The following NCAM1 variants were observed in gnomAD, a reference collection of about 807,000 sequenced individuals.
NCAM1 encodes antigen recognized by monoclonal antibody 5.1H11.
In NCAM1, 14 loss-of-function variants were observed where a neutral mutation model predicts 109.8. The observed-to-expected ratio is 0.13, with a 90% CI of 0.08 to 0.20. The LOEUF (loss-of-function observed/expected upper bound fraction) is 0.20. Ranked by LOEUF, NCAM1 falls within the 10% of genes least tolerant of loss-of-function variation. The pLI, the probability that NCAM1 is intolerant of heterozygous loss-of-function variation, is 1.00. For missense variants in NCAM1, 774 were observed against 1,109.9 expected (o/e 0.70, Z 4.30); for synonymous variants, 418 against 442.9 (o/e 0.94, Z 0.70).
rs33947463 is a variant in NCAM1 at position 113,187,563 on chromosome 11, CTG to C, written c.53-14790_53-14789del. The stretch of plus-strand genomic sequence containing the variant: ...GATCTGTGTGTGTGTGTGTGTGTTT[CTG>C]TGTGTGTGTGTGTGTGTGTGTGTGT... On this transcript the variant is annotated intron_variant, in intron 1 of 19. Coordinates refer to ENST00000316851, the MANE Select transcript of NCAM1 (RefSeq NM_181351.5). Among the ~76,000 whole-genome samples the C allele has an allele frequency of 5.2e-3, 762 of 147,116 alleles. 3 individuals carry two copies. The highest frequency in any genetic ancestry group is 0.016 in the African/African-American group (623 of 39,994).
chr11:113,212,414 T>C (rs1463657732), intron 7 of NCAM1, among the ~76,000 whole-genome samples: 3 of 152,190 alleles, frequency 2.0e-5, no homozygotes, highest in African/African-American at 4.8e-5. Flanking sequence ...ATCTGGGAAA[T>C]GGAGCCTCCA....
At chr11:112,993,373 A>G (rs1342150654) in intron 1 of NCAM1, among the ~76,000 whole-genome samples, 1 of 152,200 alleles carries the variant, frequency 6.6e-6, no homozygotes, top group Non-Finnish European at 1.5e-5. Context: ...ACTCACTATC[A>G]TGAAGATGGC....
At chr11:113,271,369 CAAAAAAAAAAA>C (rs71060298) in intron 18 of NCAM1, among the ~76,000 whole-genome samples, 6 of 66,882 alleles carry the variant, frequency 9.0e-5, no homozygotes, top group East Asian at 9.6e-4. Context: ...GACTCTGTCT[CAAAAAAAAAAA>C]AAAAAAAAAA....
chr11:113,264,892 T>C lies in NCAM1; in HGVS notation c.2131+4569T>C, dbSNP rs1206762695. On this transcript the variant is annotated intron_variant, in intron 17 of 19. Coordinates refer to ENST00000316851, the MANE Select transcript of NCAM1 (RefSeq NM_181351.5). ...ATACCCACTCCCCACGGACACTGAG[T>C]TCCTGGTGACAGCTGCAGCCCCAGC... 1.6e-5 allele frequency: 16 copies of C among 985,502 alleles called. No individual in the cohort carries two copies. In the Admixed American group the frequency reaches 6.8e-4, roughly 42 times the overall value. 61.0% of individuals were successfully genotyped at this position (985,502 alleles called of 1,614,324 possible).
chr11:113,264,769 G>A, intron 17 of NCAM1: 2 of 985,466 alleles, frequency 2.0e-6, no homozygotes, highest in South Asian at 9.4e-5. Flanking sequence ...CCAGGGTCAG[G>A]CAGGCCTCAG....
intron 1 of NCAM1, among the ~76,000 whole-genome samples, chr11:113,009,532 A>C (rs1303067404): frequency 6.6e-6 from 1 of 151,880 alleles, no homozygotes; most frequent in Admixed American, 6.6e-5. Context: ...CCTGTTGCCC[A>C]GGTTGGTAAT....
At chr11:113,266,700 G>T (rs537297712) in intron 17 of NCAM1, among the ~76,000 whole-genome samples, 1 of 152,296 alleles carries the variant, frequency 6.6e-6, no homozygotes, top group South Asian at 2.1e-4. Context: ...TTTGCTACAG[G>T]TGGAGATATA....
chr11:113,195,910 G>GGTGTGTGT (rs58873545), intron 1 of NCAM1, among the ~76,000 whole-genome samples: 3,592 of 148,472 alleles, frequency 0.024, 99 homozygotes, highest in African/African-American at 0.074. Context: ...TTGTTTGCAG[G>GGTGTGTGT]GTGTGTGTGT....
intron 1 of NCAM1, among the ~76,000 whole-genome samples, chr11:113,069,809 A>G (rs1938175034): frequency 6.6e-6 from 1 of 152,164 alleles, no homozygotes; most frequent in Non-Finnish European, 1.5e-5. Flanking sequence ...GAGAAAGGAC[A>G]TCGAGGATGA....
chr11:113,144,842 T>C (rs1941956951), intron 1 of NCAM1, among the ~76,000 whole-genome samples: 2 of 152,146 alleles, frequency 1.3e-5, no homozygotes, highest in South Asian at 4.1e-4. Flanking sequence ...TGGGGCATAA[T>C]AGGTGTTGAG....
intron 7 of NCAM1, among the ~76,000 whole-genome samples, chr11:113,209,033 C>G (rs1244886686): frequency 6.6e-6 from 1 of 152,336 alleles, no homozygotes; most frequent in African/African-American, 2.4e-5. Flanking sequence ...TTGACCTGAT[C>G]TTGAAAAAAG....
intron 1 of NCAM1, among the ~76,000 whole-genome samples, chr11:113,200,027 G>A (rs1161170488): frequency 1.3e-5 from 2 of 152,234 alleles, no homozygotes; most frequent in Admixed American, 6.5e-5. Flanking sequence ...TTTGAAAAGA[G>A]CTGAACAAAT....
intron 1 of NCAM1, among the ~76,000 whole-genome samples, chr11:113,104,957 T>C (rs1940085892): frequency 6.6e-6 from 1 of 152,264 alleles, no homozygotes; most frequent in Non-Finnish European, 1.5e-5. Flanking sequence ...TTGAATCCTC[T>C]CTTTTCATTT....
intron 1 of NCAM1, among the ~76,000 whole-genome samples, chr11:113,152,697 G>C (rs1401628167): frequency 2.6e-5 from 4 of 152,174 alleles, no homozygotes; most frequent in African/African-American, 9.7e-5. Flanking sequence ...ATTCATTGCT[G>C]TCCATTGTTC....
intron 1 of NCAM1, among the ~76,000 whole-genome samples, chr11:113,173,585 T>TATA (rs1272373735): frequency 2.8e-5 from 2 of 71,332 alleles, no homozygotes; most frequent in Admixed American, 2.3e-4. Flanking sequence ...TATTAGCATG[T>TATA]TACCTGATAT....
chr11:113,011,905 A>G (rs1036128273), intron 1 of NCAM1, among the ~76,000 whole-genome samples: 2 of 151,812 alleles, frequency 1.3e-5, no homozygotes, highest in African/African-American at 4.8e-5. Context: ...CTGGTTTGGA[A>G]AAAAAAATTT....
chr11:113,121,225 CTT>C (rs3051885), intron 1 of NCAM1, among the ~76,000 whole-genome samples: 14 of 125,338 alleles, frequency 1.1e-4, no homozygotes, highest in Non-Finnish European at 1.6e-5. Flanking sequence ...CAACACCAAT[CTT>C]TTTTTTTTTT....
chr11:112,996,323 T>C (rs1281268503), intron 1 of NCAM1, among the ~76,000 whole-genome samples: 6 of 152,176 alleles, frequency 3.9e-5, no homozygotes, highest in Admixed American at 3.9e-4. Flanking sequence ...AACAACTTCT[T>C]TCAGTATACA....
At chr11:113,128,948 T>TGTGTGC (rs1555097775) in intron 1 of NCAM1, among the ~76,000 whole-genome samples, 6 of 145,044 alleles carry the variant, frequency 4.1e-5, no homozygotes, top group East Asian at 2.1e-4. Flanking sequence ...TGTGTGTGTG[T>TGTGTGC]GCATGCGTGC....
Sources: gnomAD v4.1 joint callset for allele counts (sites outside exome capture counted in the v4.1 genomes callset) on GRCh38, gnomAD v4.1.1 for gene constraint, MANE v1.5 for transcripts, NCBI Gene and HGNC (gene_info 2026-07-23, HGNC 2026-07-21) for gene names.